CSMD1: variants seen among roughly 807,000 people sequenced by gnomAD.
CSMD1 encodes the protein CUB and sushi domain-containing protein 1.
In CSMD1, 213 loss-of-function variants were observed where a neutral mutation model predicts 417.5. That is an observed-to-expected ratio of 0.51 (90% CI 0.46 to 0.57). CSMD1 has a LOEUF of 0.57. CSMD1 is among the 20% of genes least tolerant of loss of function. The pLI is 0.00. For synonymous variants in CSMD1, 2,862 were observed against 1,736.8 expected (o/e 1.65, Z -16.11); for missense variants, 6,923 against 4,529.7 (o/e 1.53, Z -15.17).
chr8:4,196,400 G>A (rs1799342770), intron 3 of CSMD1, among the ~76,000 whole-genome samples: 1 of 152,082 alleles, frequency 6.6e-6, no homozygotes, highest in Non-Finnish European at 1.5e-5. Flanking sequence ...GGCCTCACTA[G>A]ACAAAAATCA....
chr8:4,709,965 T>C (rs1336556589), intron 1 of CSMD1, among the ~76,000 whole-genome samples: 1 of 152,100 alleles, frequency 6.6e-6, no homozygotes, highest in Non-Finnish European at 1.5e-5. Flanking sequence ...AAATATCAGG[T>C]CGATTTAGAA....
At chr8:3,313,426 AC>A (rs1446454443) in intron 23 of CSMD1, among the ~76,000 whole-genome samples, 10 of 152,242 alleles carry the variant, frequency 6.6e-5, no homozygotes, top group African/African-American at 2.4e-4. Flanking sequence ...CAAGAAAAAA[AC>A]AACCCCATCA....
At chr8:3,196,351 G>A (rs910498908) in intron 33 of CSMD1, among the ~76,000 whole-genome samples, 13 of 152,216 alleles carry the variant, frequency 8.5e-5, no homozygotes, top group Admixed American at 8.5e-4. Context: ...ATAATAGCAA[G>A]TAGAAGCAGC....
intron 37 of CSMD1, among the ~76,000 whole-genome samples, chr8:3,176,586 C>T (rs1211168704): frequency 1.3e-5 from 2 of 151,986 alleles, no homozygotes; most frequent in African/African-American, 4.8e-5. Flanking sequence ...ATTGTAAAAC[C>T]CCGTGAACTA....
chr8:3,584,032 C>T (rs887073586), intron 9 of CSMD1, among the ~76,000 whole-genome samples: 1 of 152,022 alleles, frequency 6.6e-6, no homozygotes, highest in African/African-American at 2.4e-5. Context: ...AAAACACCTC[C>T]TTAGGAATTA....
intron 3 of CSMD1, among the ~76,000 whole-genome samples, chr8:4,354,637 A>C (rs964130913): frequency 6.6e-6 from 1 of 152,160 alleles, no homozygotes; most frequent in African/African-American, 2.4e-5. Flanking sequence ...TACTCAAAAA[A>C]TAAACACATG....
At chr8:3,005,640 C>T (rs1452276832) in intron 52 of CSMD1, among the ~76,000 whole-genome samples, 1 of 152,116 alleles carries the variant, frequency 6.6e-6, no homozygotes, top group Non-Finnish European at 1.5e-5. Flanking sequence ...TAAATGTAAT[C>T]CAGCATATAA....
intron 5 of CSMD1, among the ~76,000 whole-genome samples, chr8:3,834,758 C>T (rs975493223): frequency 5.3e-5 from 8 of 151,282 alleles, no homozygotes; most frequent in Admixed American, 6.6e-5. Context: ...GCCAAGATGG[C>T]GGAATAGGAA....
intron 4 of CSMD1, among the ~76,000 whole-genome samples, chr8:4,019,757 A>C (rs1438999391): frequency 6.6e-6 from 1 of 151,856 alleles, no homozygotes; most frequent in Non-Finnish European, 1.5e-5. Context: ...TTTTCCCAAT[A>C]TTTCTGTCCA....
chr8:4,489,320 A>C (rs906038295), intron 2 of CSMD1, among the ~76,000 whole-genome samples: 4 of 152,238 alleles, frequency 2.6e-5, no homozygotes, highest in African/African-American at 9.6e-5. Flanking sequence ...TCAATGCATA[A>C]GGAAAAACTT....
chr8:4,661,497 A>T (rs1804604883), intron 1 of CSMD1, among the ~76,000 whole-genome samples: 1 of 152,162 alleles, frequency 6.6e-6, no homozygotes, highest in Non-Finnish European at 1.5e-5. Flanking sequence ...TGGGGTCAGG[A>T]GGAACGTGAA....
chr8:3,589,629 A>G (rs936166809), intron 8 of CSMD1, among the ~76,000 whole-genome samples: 1 of 152,136 alleles, frequency 6.6e-6, no homozygotes, highest in Non-Finnish European at 1.5e-5. Context: ...GAAGGAGAGG[A>G]AACAAATAAT....
intron 1 of CSMD1, among the ~76,000 whole-genome samples, chr8:4,655,051 T>C (rs1804141001): frequency 6.6e-6 from 1 of 150,422 alleles, no homozygotes; most frequent in Admixed American, 6.6e-5. Flanking sequence ...AAAAAAAAGC[T>C]TAAATCTTTG....
chr8:3,784,734 C>T (rs1380023988), intron 5 of CSMD1, among the ~76,000 whole-genome samples: 3 of 152,184 alleles, frequency 2.0e-5, no homozygotes, highest in African/African-American at 7.2e-5. Flanking sequence ...TGGTGGCAGA[C>T]ACCAATGCAT....
intron 5 of CSMD1, among the ~76,000 whole-genome samples, chr8:3,790,384 A>C (rs1477759147): frequency 6.6e-6 from 1 of 152,152 alleles, no homozygotes; most frequent in East Asian, 1.9e-4. Context: ...GGTTATGATG[A>C]TGGTGATGTT....
chr8:3,884,047 C>G (rs370777841), intron 5 of CSMD1, among the ~76,000 whole-genome samples: 1 of 152,156 alleles, frequency 6.6e-6, no homozygotes, highest in African/African-American at 2.4e-5. Context: ...ATAACATTAA[C>G]TTCTCTATCA....
chr8:4,702,236 G>A (rs1004024464), intron 1 of CSMD1, among the ~76,000 whole-genome samples: 8 of 152,124 alleles, frequency 5.3e-5, no homozygotes, highest in African/African-American at 1.7e-4. Flanking sequence ...ACAAACCTGT[G>A]CATGTACCCA....
intron 50 of CSMD1, among the ~76,000 whole-genome samples, chr8:3,051,468 A>C (rs935262209): frequency 6.6e-6 from 1 of 152,174 alleles, no homozygotes; most frequent in African/African-American, 2.4e-5. Context: ...GAGGAAGGTA[A>C]GGATTCAAAG....
intron 2 of CSMD1, among the ~76,000 whole-genome samples, chr8:4,436,198 A>C (rs2129637283): frequency 6.6e-6 from 1 of 152,298 alleles, no homozygotes; most frequent in South Asian, 2.1e-4. Flanking sequence ...CACTGGCTTT[A>C]GGCTTCTTAT....
Sources: allele counts gnomAD v4.1 joint callset (sites outside exome capture counted in the v4.1 genomes callset), GRCh38; gene constraint gnomAD v4.1.1; transcripts MANE v1.5; gene names NCBI Gene and HGNC (gene_info 2026-07-23, HGNC 2026-07-21).